CHRNA1: variants seen among roughly 807,000 people sequenced by gnomAD.
The protein encoded by CHRNA1 is acetylcholine receptor subunit alpha.
Under a neutral mutation model 47.1 loss-of-function variants are expected in CHRNA1, and 35 were observed. That is an observed-to-expected ratio of 0.74 (90% CI 0.57 to 0.99). The LOEUF (loss-of-function observed/expected upper bound fraction) is 0.99. CHRNA1 is among the 50% of genes least tolerant of loss of function. CHRNA1 has a pLI of 0.00. For synonymous variants in CHRNA1, 229 were observed against 223.6 expected (o/e 1.02, Z -0.22); for missense variants, 506 against 591.1 (o/e 0.86, Z 1.49).
At position 174,748,036 on chromosome 2, in the gene CHRNA1, G is replaced by A. The variant is rs1419160471; in HGVS notation, c.*88C>T. On this transcript the variant is annotated 3_prime_UTR_variant, in exon 9 of 9. Coordinates refer to ENST00000348749, the MANE Select transcript of CHRNA1 (RefSeq NM_000079.4). ...GGAATATAACACGTTTGATAAGTGC[G>A]AGTGGAGCAAGTAGACAAATCTTCC... The A allele has an allele frequency of 1.2e-5, 18 of 1,511,464 alleles. No homozygotes were observed. The highest frequency in any genetic ancestry group is 1.7e-5 in the Admixed American group (1 of 59,182). 93.6% of individuals were successfully genotyped at this position (1,511,464 alleles called of 1,614,324 possible). A position where few individuals can be genotyped will look rare whatever the true frequency, so the allele number is the denominator to read the frequency against.
At position 174,759,947 on chromosome 2, in the gene CHRNA1, C is replaced by T. The variant is rs545780122; in HGVS notation, c.44-314G>A. Among the ~76,000 whole-genome samples the T allele has an allele frequency of 2.0e-5, 3 of 151,734 alleles. No individual in the cohort carries two copies. In the East Asian group the frequency reaches 5.8e-4, roughly 29 times the overall value. On this transcript the variant is annotated intron_variant, in intron 1 of 8. Transcript: ENST00000348749. Reference sequence around the variant, plus strand: ...TGCCAGGTACACACACACACACACACACACACACACACGAAAAAAAAGCCC... The same window carrying T: ...TGCCAGGTACACACACACACACACATACACACACACACGAAAAAAAAGCCC...
At chr2:174,753,168 G>T in intron 6 of CHRNA1, 2 of 565,084 alleles carry the variant, frequency 3.5e-6, no homozygotes, top group South Asian at 2.1e-5. Flanking sequence ...GAAGTGTCTG[G>T]GATCACATGC....
At chr2:174,762,100 C>T (rs1279940588) in intron 1 of CHRNA1, among the ~76,000 whole-genome samples, 1 of 152,178 alleles carries the variant, frequency 6.6e-6, no homozygotes, top group Non-Finnish European at 1.5e-5. Context: ...ACAGTCACCT[C>T]CTCCTTTCCC....
rs1407481900 is a variant in CHRNA1, at chr2:174,759,387, A to T, written c.190-12T>A. The T allele has an allele frequency of 5.0e-6, 8 of 1,614,016 alleles. No homozygotes were observed. The African/African-American group carries it at 1.1e-4, about 22-fold the overall frequency. On this transcript the variant is annotated splice_polypyrimidine_tract_variant and intron_variant, in intron 2 of 8. Coordinates refer to ENST00000348749, the MANE Select transcript of CHRNA1 (RefSeq NM_000079.4). ...TGATTTACTTCATCCTGGAAAAAAAAATAAGGATCATTTTTATGGGGGAGA... is the reference window on the plus strand; with the variant it reads ...TGATTTACTTCATCCTGGAAAAAAATATAAGGATCATTTTTATGGGGGAGA...
chr2:174,761,220 G>A (rs949007860), intron 1 of CHRNA1, among the ~76,000 whole-genome samples: 1 of 152,162 alleles, frequency 6.6e-6, no homozygotes, highest in Non-Finnish European at 1.5e-5. Context: ...CAAGCCTTCC[G>A]TGGGTTGGGG....
intron 1 of CHRNA1, among the ~76,000 whole-genome samples, chr2:174,764,054 G>A (rs1347203646): frequency 6.6e-6 from 1 of 152,170 alleles, no homozygotes; most frequent in African/African-American, 2.4e-5. Flanking sequence ...CCTACAAATG[G>A]TGCCGAGTGT....
At chr2:174,757,054 T>A (rs1465511367) in intron 4 of CHRNA1, among the ~76,000 whole-genome samples, 2 of 152,254 alleles carry the variant, frequency 1.3e-5, no homozygotes, top group East Asian at 3.9e-4. Context: ...GCAGTGGATG[T>A]CGAGAAGGTG....
At chr2:174,748,313 C>T (rs1683775447) in intron 8 of CHRNA1, 58 bp from the exon 9 acceptor site, 5 of 1,610,662 alleles carry the variant, frequency 3.1e-6, no homozygotes, top group Non-Finnish European at 4.2e-6. Context: ...GGACTCACAA[C>T]GTTTGTGCTT....
At chr2:174,759,181 C>T in intron 3 of CHRNA1, 150 bp downstream of exon 3, 1 of 955,802 alleles carries the variant, frequency 1.0e-6, no homozygotes, top group South Asian at 1.4e-5. Context: ...AAAACCAAAA[C>T]CAAACAGGAT....
In CHRNA1 at chr2:174,753,733, T is replaced by A. The variant is rs1444098674; in HGVS notation, c.548A>T (p.Asp183Val). Reference protein sequence around the residue: ...GSVVAINPESDQPDLSNFMES... With the variant: ...GSVVAINPESVQPDLSNFMES... ...CATGAAGTTGCTCAGGTCTGGCTGG[T>A]CGCTTTCCTGAGAAAGGAAGTGAGG... Residue 183 changes from aspartate to valine, a missense_variant, in exon 6 of 9, where the codon GAC becomes GTC. Physicochemically the swap from Asp to Val is radical, Grantham distance 152. Coordinates refer to ENST00000348749, the MANE Select transcript of CHRNA1 (RefSeq NM_000079.4). 8.1e-6 allele frequency: 13 copies of A among 1,613,786 alleles called. No homozygotes were observed. Among genetic ancestry groups the A allele is most frequent in the Non-Finnish European group, 1.0e-5 (12 of 1,179,914 alleles).
rs202221890 is a variant in CHRNA1, at chr2:174,759,625, C to T, written c.52G>A (p.Val18Ile). The T allele has an allele frequency of 7.4e-6, 12 of 1,613,294 alleles. No individual in the cohort carries two copies. The highest frequency in any genetic ancestry group is 1.7e-4 in the Middle Eastern group (1 of 5,806). ...CGGGTCTCATGTTCGGAGCCCAGGACGAGGCCAGCTGAGACAGCAGATGAC... is the reference window on the plus strand; with the variant it reads ...CGGGTCTCATGTTCGGAGCCCAGGATGAGGCCAGCTGAGACAGCAGATGAC... ...LLFSLCSAGL[V>I]LGSEHETRLV... Residue 18 changes from valine to isoleucine, a missense_variant, in exon 2 of 9, where the codon GTC becomes ATC. Physicochemically the swap from Val to Ile is conservative, Grantham distance 29. Coordinates refer to ENST00000348749, the MANE Select transcript of CHRNA1 (RefSeq NM_000079.4).
intron 4 of CHRNA1, among the ~76,000 whole-genome samples, chr2:174,757,319 AT>A (rs199620699): frequency 1.5e-3 from 224 of 148,406 alleles, no homozygotes; most frequent in Middle Eastern, 0.01. Context: ...GTTTAGAGTG[AT>A]TTTTTTTTTT....
chr2:174,762,801 A>G (rs1684122875), intron 1 of CHRNA1, among the ~76,000 whole-genome samples: 1 of 152,260 alleles, frequency 6.6e-6, no homozygotes, highest in East Asian at 1.9e-4. Flanking sequence ...GGGAAACTCA[A>G]CCACAGTTTC....
At chr2:174,760,668 C>A (rs1280918639) in intron 1 of CHRNA1, among the ~76,000 whole-genome samples, 5 of 152,052 alleles carry the variant, frequency 3.3e-5, no homozygotes, top group African/African-American at 1.2e-4. Flanking sequence ...GTACTTAATG[C>A]CACTGAATTG....
chr2:174,752,401 T>C (rs1683872863), intron 6 of CHRNA1, among the ~76,000 whole-genome samples: 1 of 151,950 alleles, frequency 6.6e-6, no homozygotes. Context: ...GCAACCCCGT[T>C]TCTACAAAAA....
chr2:174,748,616 G>C lies in CHRNA1; in HGVS notation c.1206C>G (p.Ile402Met). 3.1e-6 allele frequency: 5 copies of C among 1,613,970 alleles called. No homozygotes were observed. The highest frequency in any genetic ancestry group is 4.2e-6 in the Non-Finnish European group (5 of 1,179,856). ...VKSAIEGIKY[I>M]AETMKSDQES... ...CCTGGTCTGACTTCATGGTCTCTGC[G>C]ATGTACTTGATGCCCTCGATGGCAC... The change falls in exon 8 of 9, where the codon ATC (isoleucine) becomes ATG (methionine). Residue 402 changes from isoleucine to methionine, a missense_variant. By Grantham distance (10) the Ile-to-Met change is conservative (BLOSUM62 1). Transcript: ENST00000348749.
At chr2:174,758,604 A>T (rs538760670) in intron 3 of CHRNA1, among the ~76,000 whole-genome samples, 1 of 150,914 alleles carries the variant, frequency 6.6e-6, no homozygotes, top group South Asian at 2.2e-4. Flanking sequence ...CAAAATAAAA[A>T]CCAAAATCTG....
intron 3 of CHRNA1, among the ~76,000 whole-genome samples, chr2:174,758,882 T>C (rs1684035766): frequency 6.6e-6 from 1 of 151,990 alleles, no homozygotes; most frequent in Non-Finnish European, 1.5e-5. Context: ...AAGATATATA[T>C]GTATTTAAAT....
In CHRNA1 at chr2:174,750,022, A is replaced by G; in HGVS notation, c.926T>C (p.Ile309Thr). 1 of 1,614,126 alleles carries G rather than the reference A, an allele frequency of 6.2e-7. No homozygotes were observed. Among genetic ancestry groups the G allele is most frequent in the Non-Finnish European group, 8.5e-7 (1 of 1,180,034 alleles). ...LFTMVFVIAS[I>T]IITVIVINTH... Reference sequence around the variant, plus strand: ...GTTGATGACGATGACAGTGATGATGATGGAGGCAATGACGAACACCATGGT... The same window carrying G: ...GTTGATGACGATGACAGTGATGATGGTGGAGGCAATGACGAACACCATGGT... Residue 309 changes from isoleucine (I) to threonine (T), a missense_variant, in exon 7 of 9, where the codon ATC (isoleucine) becomes ACC (threonine). Ile to Thr is a moderately conservative substitution (Grantham distance 89, BLOSUM62 -1). Transcript: ENST00000348749.
Sources: gnomAD v4.1 joint callset for allele counts (sites outside exome capture counted in the v4.1 genomes callset) on GRCh38, gnomAD v4.1.1 for gene constraint, MANE v1.5 for transcripts, NCBI Gene and HGNC (gene_info 2026-07-23, HGNC 2026-07-21) for gene names.